The following SMOC1 variants were observed in gnomAD, a reference collection of about 807,000 sequenced individuals.
SMOC1 encodes SPARC-related modular calcium-binding protein 1.
A neutral mutation model predicts 56.3 loss-of-function variants in SMOC1; 22 were observed. That is an observed-to-expected ratio of 0.39 (90% confidence interval 0.28 to 0.56). The LOEUF (loss-of-function observed/expected upper bound fraction) is 0.56, where lower values mean the gene tolerates loss of function less well. Ranked by LOEUF, SMOC1 falls within the 20% of genes least tolerant of loss-of-function variation. The probability of loss-of-function intolerance (pLI) is 0.61; values close to 1 mark genes in which losing one functional copy is unlikely to be tolerated. For missense variants in SMOC1, 509 were observed against 565.4 expected, an observed-to-expected ratio of 0.90 and a Z score of 1.01; for synonymous variants, 193 against 215.0, an observed-to-expected ratio of 0.90 and a Z score of 0.89.
intron 7 of SMOC1, among the ~76,000 whole-genome samples, chr14:70,002,443 C>T (rs1022016957): frequency 1.3e-5 from 2 of 152,204 alleles, no homozygotes; most frequent in South Asian, 2.1e-4. Flanking sequence ...TTTGCTTTTT[C>T]CTTGCCCTGG....
intron 1 of SMOC1, among the ~76,000 whole-genome samples, chr14:69,938,230 T>C (rs1882399186): frequency 6.6e-6 from 1 of 152,138 alleles, no homozygotes; most frequent in Non-Finnish European, 1.5e-5. Flanking sequence ...TGACATACTC[T>C]CCAGGGGCTG....
intron 3 of SMOC1, 42 bp from the exon 4 acceptor site, chr14:69,975,673 C>A: frequency 1.4e-6 from 2 of 1,440,482 alleles, no homozygotes; most frequent in Non-Finnish European, 2.0e-6. Flanking sequence ...GATATTGTGA[C>A]CGAGACTTAT....
chr14:69,971,593 A>C (rs990660964), intron 3 of SMOC1, among the ~76,000 whole-genome samples: 1 of 152,208 alleles, frequency 6.6e-6, no homozygotes, highest in African/African-American at 2.4e-5. Flanking sequence ...GTTTTCTGAG[A>C]TTAAGTCTAA....
chr14:70,022,365 T>A (rs892310933), intron 10 of SMOC1, among the ~76,000 whole-genome samples: 1 of 152,206 alleles, frequency 6.6e-6, no homozygotes, highest in African/African-American at 2.4e-5. Flanking sequence ...CTGTGTTAGA[T>A]GTGCTTGTGA....
In SMOC1 at chr14:69,914,837, T is replaced by C. The variant is rs529611358; in HGVS notation, c.99+35060T>C. ...TGCTTCTGGTGTGCTGGAAGACTAGTTTACGTATTCTTTTTTCTAATTTAT... is the reference window on the plus strand; with the variant it reads ...TGCTTCTGGTGTGCTGGAAGACTAGCTTACGTATTCTTTTTTCTAATTTAT... On this transcript the variant is annotated intron_variant, in intron 1 of 11. Coordinates refer to ENST00000361956, the MANE Select transcript of SMOC1 (RefSeq NM_001034852.3). Among the ~76,000 whole-genome samples, 9 of 152,188 alleles carry C rather than the reference T, an allele frequency of 5.9e-5. 1 individual carries two copies. In the South Asian group the frequency reaches 1.9e-3, roughly 32 times the overall value.
rs777244661 is a variant in SMOC1, at chr14:69,975,789, G to A, written c.453G>A (p.Val151=). 6.2e-7 allele frequency: 1 copy of A among 1,612,522 alleles called. No homozygotes were observed. The highest frequency in any genetic ancestry group is 8.5e-7 in the Non-Finnish European group (1 of 1,179,832). Residue 151 remains valine, a synonymous_variant, in exon 4 of 12, where the codon GTG becomes GTA. Transcript: ENST00000361956. ...GGAAGCCCATCAGTGGCTCTTCTGTGCAGAATAAAACTCCTGTATGTTCAG... is the reference window on the plus strand; with the variant it reads ...GGAAGCCCATCAGTGGCTCTTCTGTACAGAATAAAACTCCTGTATGTTCAG... The part of the protein sequence containing the change: ...PDGKPISGSS[V]QNKTPVCSGS...
intron 1 of SMOC1, among the ~76,000 whole-genome samples, chr14:69,891,589 C>T (rs1424425486): frequency 6.6e-6 from 1 of 152,122 alleles, no homozygotes; most frequent in Non-Finnish European, 1.5e-5. Context: ...TGGCGTCTCC[C>T]TCCTACCCTC....
At chr14:69,973,527 G>A (rs1364735286) in intron 3 of SMOC1, among the ~76,000 whole-genome samples, 1 of 152,148 alleles carries the variant, frequency 6.6e-6, no homozygotes, top group Non-Finnish European at 1.5e-5. Flanking sequence ...ATGAACATTT[G>A]GGGTAGCAAC....
chr14:69,999,911 G>A (rs759593840), intron 7 of SMOC1, among the ~76,000 whole-genome samples: 1 of 152,186 alleles, frequency 6.6e-6, no homozygotes, highest in Non-Finnish European at 1.5e-5. Context: ...ACACAGCACT[G>A]GGATGACGTG....
intron 7 of SMOC1, among the ~76,000 whole-genome samples, chr14:69,997,997 CCCTGTG>C (rs1884830444): frequency 6.6e-6 from 1 of 152,152 alleles, no homozygotes; most frequent in Non-Finnish European, 1.5e-5. Context: ...CACACTCAGA[CCCTGTG>C]ACGCCAGGTT....
intron 3 of SMOC1, among the ~76,000 whole-genome samples, chr14:69,959,708 A>G (rs1883304356): frequency 6.6e-6 from 1 of 152,024 alleles, no homozygotes; most frequent in Non-Finnish European, 1.5e-5. Flanking sequence ...GCATATAGGG[A>G]TCTATATGCA....
intron 3 of SMOC1, among the ~76,000 whole-genome samples, chr14:69,965,506 A>G (rs1883541182): frequency 6.6e-6 from 1 of 152,228 alleles, no homozygotes; most frequent in African/African-American, 2.4e-5. Flanking sequence ...ACCCAGGATC[A>G]CTGAGTACAG....
chr14:69,904,826 G>A (rs1884363044), intron 1 of SMOC1, among the ~76,000 whole-genome samples: 1 of 152,194 alleles, frequency 6.6e-6, no homozygotes. Flanking sequence ...ACCAAAACAT[G>A]AGGAGATGCC....
At chr14:69,927,935 CT>C (rs1388466106) in intron 1 of SMOC1, among the ~76,000 whole-genome samples, 1 of 152,082 alleles carries the variant, frequency 6.6e-6, no homozygotes, top group African/African-American at 2.4e-5. Context: ...AGAGGGACCC[CT>C]TGAGGAAGAA....
chr14:69,961,875 A>C (rs1036223819), intron 3 of SMOC1, among the ~76,000 whole-genome samples: 4 of 152,306 alleles, frequency 2.6e-5, no homozygotes, highest in African/African-American at 9.6e-5. Context: ...CCCACCGGCA[A>C]TGTATGAAGG....
intron 10 of SMOC1, 52 bp from the exon 11 acceptor site, chr14:70,023,151 G>A: frequency 6.2e-7 from 1 of 1,612,924 alleles, no homozygotes; most frequent in South Asian, 1.1e-5. Context: ...GATGGTTCCT[G>A]CAAGATCCTG....
intron 10 of SMOC1, 90 bp downstream of exon 10, chr14:70,013,581 G>T: frequency 9.3e-7 from 1 of 1,080,758 alleles, no homozygotes; most frequent in Non-Finnish European, 1.4e-6. Flanking sequence ...AGTGGGCAGG[G>T]TTTGAGGAGG....
intron 6 of SMOC1, among the ~76,000 whole-genome samples, chr14:69,994,037 C>T (rs1012901939): frequency 4.6e-5 from 7 of 152,142 alleles, no homozygotes; most frequent in African/African-American, 7.2e-5. Context: ...GTTTGGCGTT[C>T]GTTTGTTGAT....
intron 1 of SMOC1, among the ~76,000 whole-genome samples, chr14:69,928,588 T>C (rs1290659092): frequency 6.7e-6 from 1 of 148,210 alleles, no homozygotes; most frequent in Non-Finnish European, 1.5e-5. Context: ...TTGGGGTTTC[T>C]ATGTGCACTA....
Sources: allele counts gnomAD v4.1 joint callset (sites outside exome capture counted in the v4.1 genomes callset), GRCh38; gene constraint gnomAD v4.1.1; transcripts MANE v1.5; gene names NCBI Gene and HGNC (gene_info 2026-07-23, HGNC 2026-07-21).